The following SLC2A11 variants were observed in gnomAD, a reference collection of about 807,000 sequenced individuals.
SLC2A11 encodes solute carrier family 2 member 11.
Under a neutral mutation model 52.1 loss-of-function variants are expected in SLC2A11, and 43 were observed. That is an observed-to-expected ratio of 0.82 (90% CI 0.65 to 1.06). The LOEUF (loss-of-function observed/expected upper bound fraction) is 1.06. Ranked by LOEUF, SLC2A11 falls within the 50% of genes least tolerant of loss-of-function variation. The probability of loss-of-function intolerance (pLI) is 0.00; values close to 1 mark genes in which losing one functional copy is unlikely to be tolerated. For synonymous variants in SLC2A11, 261 were observed against 277.6 expected (o/e 0.94, Z 0.59); for missense variants, 582 against 654.2 (o/e 0.89, Z 1.20).
At chr22:23,874,191 ACT>A (rs2146127199) in intron 3 of SLC2A11, among the ~76,000 whole-genome samples, 1 of 152,016 alleles carries the variant, frequency 6.6e-6, no homozygotes, top group African/African-American at 2.4e-5. Context: ...ATATAAGGAA[ACT>A]CTACTTGACT....
At chr22:23,862,337 A>C (rs902526755) in intron 2 of SLC2A11, 135 bp downstream of exon 2, 2 of 757,904 alleles carry the variant, frequency 2.6e-6, no homozygotes, top group African/African-American at 1.7e-5. Flanking sequence ...GGGTTGGCCC[A>C]CAGGTTCCTG....
At chr22:23,872,523 G>A (rs2032489108) in intron 3 of SLC2A11, 1 of 152,176 alleles carries the variant, frequency 6.6e-6, no homozygotes, top group Non-Finnish European at 1.5e-5. Context: ...ACTTGGCTTG[G>A]GGCCACGATC....
In SLC2A11 at chr22:23,862,206, T is replaced by G; in HGVS notation, c.129+4T>G. The G allele has an allele frequency of 6.2e-7, 1 of 1,613,842 alleles. No homozygotes were observed. Among genetic ancestry groups the G allele is most frequent in the Non-Finnish European group, 8.5e-7 (1 of 1,179,694 alleles). On this transcript the variant is annotated splice_donor_region_variant and intron_variant, in intron 2 of 11. Coordinates refer to ENST00000316185, the MANE Select transcript of SLC2A11 (RefSeq NM_001024939.4). ...TATCATCAATGCCCCGACCTTGGTATGTATCCTCTCTGGGTGGAGACTGTC... is the reference window on the plus strand; with the variant it reads ...TATCATCAATGCCCCGACCTTGGTAGGTATCCTCTCTGGGTGGAGACTGTC...
At chr22:23,880,454 T>A (rs929534784) in intron 6 of SLC2A11, 2 of 152,150 alleles carry the variant, frequency 1.3e-5, no homozygotes, top group African/African-American at 4.8e-5. Context: ...CACAATTATT[T>A]TTGAGACAGG....
chr22:23,881,713 C>G (rs2032798175), intron 6 of SLC2A11: 1 of 152,952 alleles, frequency 6.5e-6, no homozygotes, highest in African/African-American at 2.4e-5. Flanking sequence ...ACCAGGGAGG[C>G]AAACAGAGAC....
chr22:23,857,474 G>A (rs923295804), upstream of SLC2A11: 1 of 1,613,922 alleles, frequency 6.2e-7, no homozygotes, highest in Non-Finnish European at 8.5e-7. Context: ...CAGCCTCAGT[G>A]CTGCGGCAGA....
chr22:23,857,579 C>T (rs112697139), upstream of SLC2A11: 8 of 1,461,316 alleles, frequency 5.5e-6, no homozygotes, highest in Middle Eastern at 2.2e-4. Context: ...GACCCCAAAC[C>T]CCCCCCCCGC....
At chr22:23,857,084 G>T (rs1372311926), upstream of SLC2A11, 13 of 1,137,558 alleles carry the variant, frequency 1.1e-5, 1 homozygote, top group Middle Eastern at 2.0e-4. Context: ...GGGGGGGGGG[G>T]GGTGTAGGTG....
At chr22:23,858,101 G>A in intron 1 of SLC2A11, 72 bp downstream of exon 1, 2 of 1,545,016 alleles carry the variant, frequency 1.3e-6, no homozygotes, top group Non-Finnish European at 1.8e-6. Flanking sequence ...AACTGCGCAG[G>A]TGCAGCCACC....
chr22:23,877,083 G>T lies in SLC2A11; in HGVS notation c.457G>T (p.Ala153Ser). ...NIQPMYLGES[A>S]PKELRGAVAM... ...CCAGCCCATGTACCTGGGGGAGAGCGCCCCTAAGGAGCTCCGAGGAGCTGT... is the reference window on the plus strand; with the variant it reads ...CCAGCCCATGTACCTGGGGGAGAGCTCCCCTAAGGAGCTCCGAGGAGCTGT... Residue 153 changes from alanine to serine, a missense_variant, in exon 5 of 12, where the codon GCC (alanine) becomes TCC (serine). Transcript: ENST00000316185. 1 of 1,613,946 alleles carries T rather than the reference G, an allele frequency of 6.2e-7. No homozygotes were observed. Among genetic ancestry groups the T allele is most frequent in the Non-Finnish European group, 8.5e-7 (1 of 1,179,978 alleles).
intron 3 of SLC2A11, chr22:23,870,420 G>A (rs138455709): frequency 1.0e-3 from 211 of 210,990 alleles, no homozygotes; most frequent in African/African-American, 4.3e-3. Context: ...GGTTGTGTAG[G>A]GGAACACAAC....
Position 23,885,081 on chromosome 22 carries a change from G to A in SLC2A11, c.*232G>A, listed in dbSNP as rs564059597. On this transcript the variant is annotated 3_prime_UTR_variant, in exon 12 of 12. Transcript: ENST00000316185. ...AACAACATAATTACAGGCTGGTTGT[G>A]GCAGCTCATGACTGTAATCCCAGCA... 3 of 561,828 alleles carry A rather than the reference G, an allele frequency of 5.3e-6. No individual in the cohort carries two copies. Among genetic ancestry groups the A allele is most frequent in the African/African-American group, 1.9e-5 (1 of 52,702 alleles). 34.8% of individuals were successfully genotyped at this position (561,828 alleles called of 1,614,324 possible).
At chr22:23,857,176 C>T (rs534393957), upstream of SLC2A11, 29 of 890,832 alleles carry the variant, frequency 3.3e-5, no homozygotes, top group Admixed American at 4.9e-4. Context: ...TTCTGGCGGC[C>T]GGCAGTGGCG....
intron 1 of SLC2A11, among the ~76,000 whole-genome samples, chr22:23,861,088 G>A (rs1201765051): frequency 2.0e-5 from 3 of 151,078 alleles, no homozygotes; most frequent in African/African-American, 4.9e-5. Context: ...CTCGTGATCC[G>A]CCCGCCTCGG....
chr22:23,859,058 G>A lies in SLC2A11; in HGVS notation c.30+1029G>A, dbSNP rs115274591. ...CATGCATGATCTCATTGAATTCAACGATTTCCTGTAGTCTTAGAGACCTGT... is the reference window on the plus strand; with the variant it reads ...CATGCATGATCTCATTGAATTCAACAATTTCCTGTAGTCTTAGAGACCTGT... On this transcript the variant is annotated intron_variant, in intron 1 of 11. Coordinates refer to ENST00000316185, the MANE Select transcript of SLC2A11 (RefSeq NM_001024939.4). Among the ~76,000 whole-genome samples the A allele has an allele frequency of 7.9e-3, 1,201 of 152,316 alleles. 17 individuals carry two copies. The highest frequency in any genetic ancestry group is 0.027 in the African/African-American group (1,140 of 41,562).
At chr22:23,871,095 G>A (rs960225606) in intron 3 of SLC2A11, 1 of 151,956 alleles carries the variant, frequency 6.6e-6, no homozygotes, top group African/African-American at 2.4e-5. Flanking sequence ...AAGACTTTTT[G>A]TCCAACCAAA....
At chr22:23,878,105 G>T (rs1198011132) in intron 6 of SLC2A11, among the ~76,000 whole-genome samples, 1 of 152,232 alleles carries the variant, frequency 6.6e-6, no homozygotes, top group Non-Finnish European at 1.5e-5. Context: ...AAGAACTCCA[G>T]AGCGGTGCGG....
intron 4 of SLC2A11, among the ~76,000 whole-genome samples, chr22:23,875,667 TC>T (rs796133546): frequency 4.2e-4 from 64 of 152,304 alleles, no homozygotes; most frequent in African/African-American, 1.5e-3. Flanking sequence ...TTTGAGCACA[TC>T]CACCTGGGTT....
Position 23,857,928 on chromosome 22 carries a change from G to A in SLC2A11, c.-72G>A, listed in dbSNP as rs1601479929. The A allele has an allele frequency of 1.3e-6, 2 of 1,590,214 alleles. No individual in the cohort carries two copies. The highest frequency in any genetic ancestry group is 2.3e-5 in the East Asian group (1 of 43,384). ...CCCTTCCCTCCGCGCACAGGCTGCC[G>A]GCTCACCGCTTGCTAATGGCAGCCG... On this transcript the variant is annotated 5_prime_UTR_variant, in exon 1 of 12. Transcript: ENST00000316185.
Sources: allele counts gnomAD v4.1 joint callset (sites outside exome capture counted in the v4.1 genomes callset), GRCh38; gene constraint gnomAD v4.1.1; transcripts MANE v1.5; gene names NCBI Gene and HGNC (gene_info 2026-07-23, HGNC 2026-07-21).